GOSR1: variants seen among roughly 807,000 people sequenced by gnomAD.
The protein encoded by GOSR1 is 28 kDa Golgi SNARE protein.
GOSR1 carries 21 observed loss-of-function variants against 35.5 expected under a neutral mutation model. That is an observed-to-expected ratio of 0.59 (90% CI 0.42 to 0.85). The LOEUF (loss-of-function observed/expected upper bound fraction) is 0.85. GOSR1 is among the 40% of genes least tolerant of loss of function. The pLI is 0.00. For missense variants in GOSR1, 285 were observed against 309.6 expected (o/e 0.92, Z 0.60); for synonymous variants, 94 against 106.6 (o/e 0.88, Z 0.73).
intron 6 of GOSR1, among the ~76,000 whole-genome samples, chr17:30,504,480 CCTATT>C (rs1967330066): frequency 6.6e-6 from 1 of 152,096 alleles, no homozygotes; most frequent in African/African-American, 2.4e-5. Flanking sequence ...TTTACGAAAA[CCTATT>C]CTATGAAAAT....
At chr17:30,496,719 A>G (rs1372920180) in intron 6 of GOSR1, among the ~76,000 whole-genome samples, 1 of 152,240 alleles carries the variant, frequency 6.6e-6, no homozygotes, top group Non-Finnish European at 1.5e-5. Flanking sequence ...GAGAAATGGG[A>G]ATTTCATTCA....
In GOSR1 at chr17:30,510,879, G is replaced by A; in HGVS notation, c.510-1G>A. ...ATTTGAATTTTTCTTTTTATTTGCA[G>A]CTCAGATCGTCTGATAGAAGAGACA... On this transcript the variant is annotated splice_acceptor_variant, in intron 6 of 8. Transcript: ENST00000451249. LOFTEE classifies it high-confidence loss of function. The A allele has an allele frequency of 6.6e-7, 1 of 1,518,098 alleles. No homozygotes were observed. Among genetic ancestry groups the A allele is most frequent in the Non-Finnish European group, 9.1e-7 (1 of 1,097,090 alleles). The allele number at this position is 1,518,098 out of a possible 1,614,324, so 94.0% of individuals were successfully genotyped here. A position where few individuals can be genotyped will look rare whatever the true frequency, so the allele number is the denominator to read the frequency against.
intron 6 of GOSR1, among the ~76,000 whole-genome samples, chr17:30,495,187 CAAA>C (rs11369569): frequency 2.5e-5 from 2 of 81,336 alleles, no homozygotes. Flanking sequence ...GACTCCGGCT[CAAA>C]AAAAAAAAAA....
intron 6 of GOSR1, among the ~76,000 whole-genome samples, chr17:30,499,726 A>C (rs1479246715): frequency 6.6e-6 from 1 of 152,214 alleles, no homozygotes; most frequent in Non-Finnish European, 1.5e-5. Context: ...GAAAGTGTCA[A>C]ACTTTTCCAA....
At position 30,488,108 on chromosome 17, in the gene GOSR1, CTT is replaced by C. The variant is rs11360503; in HGVS notation, c.343-2005_343-2004del. ...TTATTCTATTGCTAGTCATTTACTCCTTTTTTTTTTTTTTAAGCTCTGTTGAA... is the reference window on the plus strand; with the variant it reads ...TTATTCTATTGCTAGTCATTTACTCCTTTTTTTTTTTTAAGCTCTGTTGAA... On this transcript the variant is annotated intron_variant, in intron 4 of 8. Coordinates refer to ENST00000451249, the MANE Select transcript of GOSR1 (RefSeq NM_001007025.2). Among the ~76,000 whole-genome samples, 769 of 136,284 alleles carry C rather than the reference CTT, an allele frequency of 5.6e-3. 3 individuals carry two copies. The highest frequency in any genetic ancestry group is 0.011 in the African/African-American group (386 of 35,880). The allele number at this position is 136,284 out of a possible 152,430, so 89.4% of individuals were successfully genotyped here.
rs114651808 is a variant in GOSR1 at position 30,513,896 on chromosome 17, G to A, written c.539+2987G>A. On this transcript the variant is annotated intron_variant, in intron 7 of 8. Coordinates refer to ENST00000451249, the MANE Select transcript of GOSR1 (RefSeq NM_001007025.2). ...CCCATGAGGTCAAGGCTGCCATGAT[G>A]GTGCTACTGCAGCCGTGCCTGCATG... Among the ~76,000 whole-genome samples the A allele has an allele frequency of 4.6e-3, 702 of 152,276 alleles. 4 individuals are homozygous for A. The highest frequency in any genetic ancestry group is 0.016 in the African/African-American group (678 of 41,546).
At chr17:30,515,520 C>A (rs3829594) in intron 7 of GOSR1, among the ~76,000 whole-genome samples, 80,990 of 151,716 alleles carry the variant, frequency 0.53, 21,982 homozygotes, top group East Asian at 0.83. Context: ...GGACTAGGGG[C>A]AGCCACCTAG....
At chr17:30,482,023 A>G (rs1209261406) in intron 2 of GOSR1, among the ~76,000 whole-genome samples, 1 of 152,090 alleles carries the variant, frequency 6.6e-6, no homozygotes, top group Admixed American at 6.6e-5. Flanking sequence ...ACAGTTACAA[A>G]GAATAATATC....
intron 5 of GOSR1, among the ~76,000 whole-genome samples, chr17:30,492,075 CA>C (rs879587361): frequency 5.0e-4 from 69 of 137,224 alleles, no homozygotes; most frequent in East Asian, 6.3e-4. Context: ...ACTCTGTCTC[CA>C]AAAAAAAAAA....
intron 5 of GOSR1, 25 bp downstream of exon 5, chr17:30,490,242 G>T (rs1161347775): frequency 9.0e-7 from 1 of 1,113,380 alleles, no homozygotes; most frequent in Non-Finnish European, 1.4e-6. Flanking sequence ...ATATTATTTT[G>T]TAGAATATTT....
At chr17:30,506,856 G>A (rs1431169047) in intron 6 of GOSR1, among the ~76,000 whole-genome samples, 1 of 152,150 alleles carries the variant, frequency 6.6e-6, no homozygotes, top group East Asian at 1.9e-4. Context: ...TACCATTCCA[G>A]AAATTCTAGA....
chr17:30,498,698 C>T (rs761165657), intron 6 of GOSR1, among the ~76,000 whole-genome samples: 3 of 152,132 alleles, frequency 2.0e-5, no homozygotes, highest in Non-Finnish European at 2.9e-5. Context: ...TGAAACGTCA[C>T]GCATTTACTC....
chr17:30,496,909 A>G (rs1439378099), intron 6 of GOSR1, among the ~76,000 whole-genome samples: 1 of 152,226 alleles, frequency 6.6e-6, no homozygotes, highest in African/African-American at 2.4e-5. Context: ...TCTCTGATTT[A>G]TGGGCATGTC....
intron 4 of GOSR1, 114 bp downstream of exon 4, chr17:30,484,884 G>T (rs1268303187): frequency 2.8e-6 from 2 of 720,044 alleles, no homozygotes; most frequent in Admixed American, 4.1e-5. Flanking sequence ...AGAAAAATCT[G>T]AGAAAATAAA....
At chr17:30,485,796 T>G (rs1254698204) in intron 4 of GOSR1, among the ~76,000 whole-genome samples, 1 of 151,884 alleles carries the variant, frequency 6.6e-6, no homozygotes, top group Non-Finnish European at 1.5e-5. Flanking sequence ...CCAAGGCAGG[T>G]GGATCACCTG....
intron 2 of GOSR1, chr17:30,482,840 C>T (rs1341781490): frequency 1.3e-5 from 2 of 152,180 alleles, no homozygotes; most frequent in Admixed American, 6.5e-5. Flanking sequence ...AATGTTCTTT[C>T]TATGCATTTT....
chr17:30,479,649 C>G (rs1041831088), intron 1 of GOSR1: 2 of 152,518 alleles, frequency 1.3e-5, no homozygotes, highest in African/African-American at 4.8e-5. Flanking sequence ...GCTGGGACTA[C>G]AGGCGCCCAC....
intron 7 of GOSR1, among the ~76,000 whole-genome samples, chr17:30,511,624 G>C (rs1967617094): frequency 6.6e-6 from 1 of 151,962 alleles, no homozygotes; most frequent in Non-Finnish European, 1.5e-5. Context: ...CCGCCTCCTG[G>C]GTTCAAGTGA....
intron 4 of GOSR1, 84 bp from the exon 5 acceptor site, chr17:30,490,042 A>G: frequency 1.6e-6 from 1 of 627,110 alleles, no homozygotes; most frequent in South Asian, 2.0e-5. Flanking sequence ...ACAAATTTAC[A>G]GTGTGATGAC....
Sources: gnomAD v4.1 joint callset for allele counts (sites outside exome capture counted in the v4.1 genomes callset) on GRCh38, gnomAD v4.1.1 for gene constraint, MANE v1.5 for transcripts, NCBI Gene and HGNC (gene_info 2026-07-23, HGNC 2026-07-21) for gene names.